RAI1: variants seen among roughly 807,000 people sequenced by gnomAD.
RAI1 encodes the protein retinoic acid induced 1.
In RAI1, 9 loss-of-function variants were observed where a neutral mutation model predicts 123.8. The observed-to-expected ratio is 0.07, with a 90% CI of 0.04 to 0.13. The LOEUF (loss-of-function observed/expected upper bound fraction) is 0.13, where lower values mean the gene tolerates loss of function less well. RAI1 is among the 10% of genes least tolerant of loss of function. The probability of loss-of-function intolerance (pLI) is 1.00; values close to 1 mark genes in which losing one functional copy is unlikely to be tolerated. For synonymous variants in RAI1, 1,231 were observed against 1,127.3 expected, an observed-to-expected ratio of 1.09 and a Z score of -1.84; for missense variants, 2,256 against 2,545.8, an observed-to-expected ratio of 0.89 and a Z score of 2.45.
rs577912378 is a variant in RAI1, at chr17:17,685,590, C to T, written c.-149+3797C>T. Among the ~76,000 whole-genome samples the T allele has an allele frequency of 2.6e-5, 4 of 152,296 alleles. No homozygotes were observed. The South Asian group carries it at 8.3e-4, about 32-fold the overall frequency. ...GGACTTGGCTCAGAAAGAATGGTGG[C>T]GGAAGAGGTTGGGCTGTTGCTGGGA... On this transcript the variant is annotated intron_variant, in intron 1 of 5. Transcript: ENST00000353383. This position sits in a 1 kb window ranked among gnomAD's most constrained non-coding sequence, Gnocchi z 4.0.
chr17:17,723,089 C>T (rs768237734), intron 1 of RAI1, among the ~76,000 whole-genome samples: 2 of 152,192 alleles, frequency 1.3e-5, no homozygotes, highest in African/African-American at 2.4e-5. Context: ...CGCAGCCCCA[C>T]GGCCCCACAC....
chr17:17,740,163 G>T (rs1415467833), intron 2 of RAI1, among the ~76,000 whole-genome samples: 1 of 152,224 alleles, frequency 6.6e-6, no homozygotes. Context: ...CCCAGCTAGG[G>T]CCTTGGGAGA....
intron 1 of RAI1, among the ~76,000 whole-genome samples, chr17:17,688,488 G>A (rs112723469): frequency 6.7e-6 from 1 of 150,100 alleles, no homozygotes; most frequent in Non-Finnish European, 1.5e-5. Flanking sequence ...CAGTCTCAAT[G>A]ATAAATAAAT....
rs552350503 is a variant in RAI1 at position 17,780,186 on chromosome 17, C to T, written c.-16-12747C>T. Among the ~76,000 whole-genome samples the T allele has an allele frequency of 5.6e-4, 85 of 151,824 alleles. 1 individual carries two copies. Among genetic ancestry groups the T allele is most frequent in the Non-Finnish European group, 8.7e-4 (59 of 67,958 alleles). On this transcript the variant is annotated intron_variant, in intron 2 of 5. Transcript: ENST00000353383. ...GTTCAAGCAATTCTCATGCCTCAGC[C>T]TCCCGAGTAGCTGGAATTACAGGCG...
intron 2 of RAI1, among the ~76,000 whole-genome samples, chr17:17,733,829 T>C (rs1916341371): frequency 6.6e-6 from 1 of 152,190 alleles, no homozygotes; most frequent in Non-Finnish European, 1.5e-5. Context: ...AGAGCCAGTG[T>C]AATTTGGGCT....
chr17:17,719,050 C>G (rs773132924), intron 1 of RAI1, among the ~76,000 whole-genome samples: 2 of 152,186 alleles, frequency 1.3e-5, no homozygotes, highest in African/African-American at 2.4e-5. Context: ...AATCCAAAAT[C>G]CGACCCCTTC....
At chr17:17,766,233 C>T (rs910040704) in intron 2 of RAI1, 2 of 152,206 alleles carry the variant, frequency 1.3e-5, no homozygotes, top group East Asian at 1.9e-4. Context: ...CCTCATGTCT[C>T]TGAGACCCCC....
rs546069436 is a variant in RAI1 at position 17,728,458 on chromosome 17, G to C, written c.-17+4299G>C. 5.3e-5 allele frequency among the ~76,000 whole-genome samples: 8 copies of C among 152,356 alleles called. No individual in the cohort carries two copies. The South Asian group carries it at 1.7e-3, about 32-fold the overall frequency. On this transcript the variant is annotated intron_variant, in intron 2 of 5. Coordinates refer to ENST00000353383, the MANE Select transcript of RAI1 (RefSeq NM_030665.4). ...CACATCCCCCAGCCAGGGAGAGGAA[G>C]AGGCTGAGAGCAGAGGATGCAAAAT...
chr17:17,746,547 C>T (rs1312330763), intron 2 of RAI1, among the ~76,000 whole-genome samples: 1 of 152,188 alleles, frequency 6.6e-6, no homozygotes, highest in Non-Finnish European at 1.5e-5. Context: ...TCGGTCACTG[C>T]CTCCCCCAAG....
rs1208279115 is a variant in RAI1, at chr17:17,796,205, G to A, written c.3257G>A (p.Gly1086Asp). Residue 1086 changes from glycine (G) to aspartate (D), a missense_variant, in exon 3 of 6, where the codon GGC becomes GAC. Gly to Asp is a moderately conservative substitution (Grantham distance 94). Transcript: ENST00000353383. The surrounding 1 kb of genome is among the most constrained non-coding windows in gnomAD (Gnocchi z 5.8). ...CCTGCACCCCCAGACAAACTGGGGG[G>A]CAAGCAGCGAGCCGCCTTCAAGTCG... ...TTPAPPDKLGGKQRAAFKSGK... is the reference protein window; with the variant it reads ...TTPAPPDKLGDKQRAAFKSGK... 6.4e-7 allele frequency: 1 copy of A among 1,554,124 alleles called. No individual in the cohort carries two copies. The highest frequency in any genetic ancestry group is 8.7e-7 in the Non-Finnish European group (1 of 1,149,520).
chr17:17,756,656 C>A (rs1176811448), intron 2 of RAI1, among the ~76,000 whole-genome samples: 1 of 27,954 alleles, frequency 3.6e-5, no homozygotes, highest in African/African-American at 1.3e-4. Flanking sequence ...TTCCGCAAAT[C>A]CTTGAGCGCC....
intron 1 of RAI1, among the ~76,000 whole-genome samples, chr17:17,707,236 G>C (rs141473903): frequency 3.3e-5 from 5 of 152,190 alleles, no homozygotes; most frequent in African/African-American, 1.2e-4. Context: ...CTTGAGCCCC[G>C]GAGTTTGAAT....
intron 1 of RAI1, among the ~76,000 whole-genome samples, chr17:17,707,805 G>A (rs374095011): frequency 1.6e-4 from 24 of 152,244 alleles, no homozygotes; most frequent in African/African-American, 5.5e-4. Flanking sequence ...TGTTGCCCAG[G>A]CTGGTCTCAA....
intron 2 of RAI1, among the ~76,000 whole-genome samples, chr17:17,782,633 G>C (rs1291868432): frequency 6.9e-6 from 1 of 145,668 alleles, no homozygotes; most frequent in Non-Finnish European, 1.5e-5. Context: ...GGTTGGGGGG[G>C]CGACGAGGAC....
chr17:17,797,976 T>G lies in RAI1; in HGVS notation c.5028T>G (p.Val1676=). ...LSSTMHLGPV[V]SKALSTSCLV... ...CCACGATGCACTTGGGGCCTGTGGT[T>G]TCCAAGGCCCTGAGTACCTCTTGCC... The change falls in exon 3 of 6, where the codon GTT becomes GTG. Residue 1676 remains valine (V), a synonymous_variant. Coordinates refer to ENST00000353383, the MANE Select transcript of RAI1 (RefSeq NM_030665.4). The G allele has an allele frequency of 6.2e-7, 1 of 1,614,042 alleles. No individual in the cohort carries two copies. The highest frequency in any genetic ancestry group is 8.5e-7 in the Non-Finnish European group (1 of 1,180,016).
At chr17:17,696,617 C>T (rs1054307521) in intron 1 of RAI1, among the ~76,000 whole-genome samples, 7 of 152,304 alleles carry the variant, frequency 4.6e-5, no homozygotes, top group African/African-American at 1.7e-4. Flanking sequence ...TGAGTTTGTC[C>T]TCTCCCTACC....
chr17:17,745,695 C>T (rs1178000134), intron 2 of RAI1, among the ~76,000 whole-genome samples: 1 of 152,212 alleles, frequency 6.6e-6, no homozygotes, highest in East Asian at 1.9e-4. Flanking sequence ...CCACACCCAG[C>T]CCTGAAGGCT....
At chr17:17,792,905 CT>C in intron 2 of RAI1, 27 bp from the exon 3 acceptor site, 4 of 1,151,072 alleles carry the variant, frequency 3.5e-6, no homozygotes, top group Non-Finnish European at 3.9e-6. Context: ...CCTTCCCTCC[CT>C]CCCTCCCTTC....
At chr17:17,703,833 C>T (rs1915309494) in intron 1 of RAI1, among the ~76,000 whole-genome samples, 1 of 152,212 alleles carries the variant, frequency 6.6e-6, no homozygotes, top group Admixed American at 6.5e-5. Context: ...CCACCAACCC[C>T]TTTTCTTTTG....
Sources: gnomAD v4.1 joint callset for allele counts (sites outside exome capture counted in the v4.1 genomes callset) on GRCh38, gnomAD v4.1.1 for gene constraint, Gnocchi (gnomAD v3.1) non-coding constraint, MANE v1.5 for transcripts, NCBI Gene and HGNC (gene_info 2026-07-23, HGNC 2026-07-21) for gene names.